The following PRDX4 variants were observed in gnomAD, a reference collection of about 807,000 sequenced individuals.
PRDX4 encodes peroxiredoxin-4.
In PRDX4, 12 loss-of-function variants were observed where a neutral mutation model predicts 20.5. The observed-to-expected ratio is 0.58, with a 90% CI of 0.37 to 0.95. PRDX4 has a LOEUF of 0.95. Among genes scored for constraint, PRDX4 ranks in the 40% least tolerant of loss-of-function variants. The pLI is 0.01. For missense variants in PRDX4, 180 were observed against 207.3 expected (o/e 0.87, Z 0.81); for synonymous variants, 99 against 87.5 (o/e 1.13, Z -0.73).
At chrX:23,682,026 G>A (rs1337827934) in intron 4 of PRDX4, among the ~76,000 whole-genome samples, 1 of 112,450 alleles carries the variant, frequency 8.9e-6, no homozygotes, top group Non-Finnish European at 1.9e-5. Flanking sequence ...GGGCAACAGA[G>A]TGAGATCCTG....
chrX:23,673,343 A>G (rs1274439502), intron 2 of PRDX4, among the ~76,000 whole-genome samples: 1 of 112,607 alleles, frequency 8.9e-6, no homozygotes, highest in East Asian at 2.8e-4. Flanking sequence ...GGCATTTGCC[A>G]CAGTCTACAA....
At chrX:23,674,939 G>T in intron 2 of PRDX4, 51 bp from the exon 3 acceptor site, 1 of 1,177,067 alleles carries the variant, frequency 8.5e-7, no homozygotes, top group Non-Finnish European at 1.1e-6. Flanking sequence ...GAAAGTTTAG[G>T]TATATGCTTA....
At chrX:23,671,714 CAA>C (rs964108664) in intron 2 of PRDX4, 68 bp downstream of exon 2, 1 of 840,518 alleles carries the variant, frequency 1.2e-6, no homozygotes, top group East Asian at 3.3e-5. Flanking sequence ...GAGTATCAAA[CAA>C]ATTATTTTGT....
chrX:23,667,586 C>T lies in PRDX4; in HGVS notation c.16C>T (p.Leu6=), dbSNP rs777903886. 2 of 1,188,803 alleles carry T rather than the reference C, an allele frequency of 1.7e-6. No homozygotes were observed. Among genetic ancestry groups the T allele is most frequent in the South Asian group, 3.7e-5 (2 of 54,581 alleles). The change falls in exon 1 of 7, where the codon CTG becomes TTG. Residue 6 remains leucine, a synonymous_variant. Coordinates refer to ENST00000379341, the MANE Select transcript of PRDX4 (RefSeq NM_006406.2). ...TCGCGTGGTCATGGAGGCGCTGCCG[C>T]TGCTAGCCGCGACAACTCCGGACCA... MEALP[L]LAATTPDHGR...
chrX:23,680,364 T>G (rs62585917), intron 4 of PRDX4, among the ~76,000 whole-genome samples: 4,170 of 111,937 alleles, frequency 0.037, 87 homozygotes, highest in Non-Finnish European at 0.06. Flanking sequence ...AAGGAAATAT[T>G]TTACCCAGAC....
chrX:23,679,112 T>A, intron 3 of PRDX4, 53 bp from the exon 4 acceptor site: 2 of 1,171,977 alleles, frequency 1.7e-6, no homozygotes, highest in Non-Finnish European at 2.3e-6. Flanking sequence ...GAGTGCTGTT[T>A]TAATATATGC....
chrX:23,685,462 G>A (rs754536954), intron 6 of PRDX4, among the ~76,000 whole-genome samples: 8 of 111,731 alleles, frequency 7.2e-5, no homozygotes, highest in Non-Finnish European at 1.5e-4. Flanking sequence ...AGTGGTCAAA[G>A]TACCTTTAAT....
chrX:23,667,530 G>GGCGCTCGCGCCAAGGGACGTGTTTCT lies in PRDX4; in HGVS notation c.-31_-6dup, dbSNP rs1279106008. The GGCGCTCGCGCCAAGGGACGTGTTTCT allele has an allele frequency of 1.8e-5, 20 of 1,134,727 alleles. No homozygotes were observed. The highest frequency in any genetic ancestry group is 3.2e-4 in the Middle Eastern group (1 of 3,091). 93.5% of individuals were successfully genotyped at this position (1,134,727 alleles called of 1,213,427 possible). Reference sequence around the variant, plus strand: ...GTAGCTGCCCGGCGGCGGCAGAAGCGGCGCTCGCGCCAAGGGACGTGTTTC... The same window carrying GGCGCTCGCGCCAAGGGACGTGTTTCT: ...GTAGCTGCCCGGCGGCGGCAGAAGCGGCGCTCGCGCCAAGGGACGTGTTTCTGCGCTCGCGCCAAGGGACGTGTTTC... On this transcript the variant is annotated 5_prime_UTR_variant, in exon 1 of 7. Coordinates refer to ENST00000379341, the MANE Select transcript of PRDX4 (RefSeq NM_006406.2).
intron 5 of PRDX4, among the ~76,000 whole-genome samples, chrX:23,683,462 G>T (rs1215314414): frequency 5.4e-5 from 6 of 111,366 alleles, no homozygotes; most frequent in Non-Finnish European, 9.4e-5. Context: ...TGGTAAAAAT[G>T]AAAATAGATT....
chrX:23,675,231 T>A (rs1927924129), intron 3 of PRDX4, 125 bp downstream of exon 3: 6 of 1,133,935 alleles, frequency 5.3e-6, no homozygotes, highest in Non-Finnish European at 5.9e-6. Context: ...AATAGCTTTA[T>A]CTAAGAGTAA....
chrX:23,684,013 A>C (rs553408650), intron 6 of PRDX4, among the ~76,000 whole-genome samples: 2 of 97,910 alleles, frequency 2.0e-5, no homozygotes, highest in South Asian at 1.0e-3. Flanking sequence ...ATGCCACTGC[A>C]CTCCATGCTG....
intron 1 of PRDX4, 86 bp from the exon 2 acceptor site, chrX:23,671,443 A>G: frequency 1.4e-6 from 1 of 738,239 alleles, no homozygotes; most frequent in Non-Finnish European, 2.0e-6. Context: ...GGTAGCCCTG[A>G]TTTTTAGTGA....
chrX:23,667,642 G>A lies in PRDX4; in HGVS notation c.72G>A (p.Pro24=), dbSNP rs1306506449. The A allele has an allele frequency of 8.3e-7, 1 of 1,203,993 alleles. No homozygotes were observed. The highest frequency in any genetic ancestry group is 1.7e-5 in the African/African-American group (1 of 57,367). ...HGRHRRLLLL[P]LLLFLLPAGA... Reference sequence around the variant, plus strand: ...GCCACCGAAGGCTGCTTCTGCTGCCGCTACTGCTGTTCCTGCTGCCGGCTG... The same window carrying A: ...GCCACCGAAGGCTGCTTCTGCTGCCACTACTGCTGTTCCTGCTGCCGGCTG... Residue 24 remains proline (P), a synonymous_variant, in exon 1 of 7, where the codon CCG becomes CCA. Transcript: ENST00000379341.
chrX:23,679,944 C>T (rs1363643934), intron 4 of PRDX4, among the ~76,000 whole-genome samples: 2 of 110,828 alleles, frequency 1.8e-5, no homozygotes, highest in African/African-American at 3.3e-5. Flanking sequence ...ATCACGCCAC[C>T]GCACTCCAGC....
rs907143901 is a variant in PRDX4 at position 23,671,389 on chromosome X, T to G, written c.242-140T>G. ...CCTTTTTGCATTCAATAACACTCTTTTAAGAAGTCTGTAAGCTTCACCAGA... is the reference window on the plus strand; with the variant it reads ...CCTTTTTGCATTCAATAACACTCTTGTAAGAAGTCTGTAAGCTTCACCAGA... On this transcript the variant is annotated intron_variant, in intron 1 of 6. Coordinates refer to ENST00000379341, the MANE Select transcript of PRDX4 (RefSeq NM_006406.2). 3 of 436,770 alleles carry G rather than the reference T, an allele frequency of 6.9e-6. No homozygotes were observed. In the African/African-American group the frequency reaches 7.6e-5, roughly 11 times the overall value. The allele number at this position is 436,770 out of a possible 1,213,427, so 36.0% of individuals were successfully genotyped here.
chrX:23,683,964 C>T (rs1447059646), intron 6 of PRDX4, among the ~76,000 whole-genome samples: 5 of 101,575 alleles, frequency 4.9e-5, no homozygotes, highest in African/African-American at 1.1e-4. Context: ...AGGAGAATGG[C>T]ATGAACCCGG....
At chrX:23,686,232 A>G in intron 6 of PRDX4, 53 bp from the exon 7 acceptor site, 2 of 1,001,026 alleles carry the variant, frequency 2.0e-6, no homozygotes, top group Non-Finnish European at 2.7e-6. Context: ...ACTACTCATT[A>G]TGTACTTTGG....
At chrX:23,674,273 T>C (rs921869312) in intron 2 of PRDX4, among the ~76,000 whole-genome samples, 5 of 112,010 alleles carry the variant, frequency 4.5e-5, no homozygotes, top group African/African-American at 1.6e-4. Flanking sequence ...TATATAAATA[T>C]GTGTTTCATA....
At chrX:23,669,740 A>T (rs1276671139) in intron 1 of PRDX4, among the ~76,000 whole-genome samples, 1 of 109,469 alleles carries the variant, frequency 9.1e-6, no homozygotes, top group African/African-American at 3.3e-5. Context: ...AGCATGGTGA[A>T]ACCCTGTGTC....
Sources: allele counts gnomAD v4.1 joint callset (sites outside exome capture counted in the v4.1 genomes callset), GRCh38; gene constraint gnomAD v4.1.1; transcripts MANE v1.5; gene names NCBI Gene and HGNC (gene_info 2026-07-23, HGNC 2026-07-21).